HS1BP3: variants seen among roughly 807,000 people sequenced by gnomAD.
HS1BP3 encodes HCLS1 binding protein 3, also known as HCLS1-binding protein 3.
HS1BP3 carries 32 observed loss-of-function variants against 33.5 expected under a neutral mutation model. The ratio of observed to expected loss-of-function variants is 0.95; its 90% CI spans 0.72 to 1.28. The LOEUF is 1.28. Ranked by LOEUF, HS1BP3 falls within the 50% of genes most tolerant of loss-of-function variation. The pLI is 0.00. For missense variants in HS1BP3, 486 were observed against 502.3 expected, an observed-to-expected ratio of 0.97 and a Z score of 0.31; for synonymous variants, 187 against 209.2, an observed-to-expected ratio of 0.89 and a Z score of 0.92.
intron 6 of HS1BP3, chr2:20,623,435 C>A (rs1389764873): frequency 6.5e-6 from 1 of 154,668 alleles, no homozygotes; most frequent in Non-Finnish European, 1.4e-5. Flanking sequence ...AGGCCTCATT[C>A]TCCCTTCCTT....
chr2:20,650,967 C>T (rs1355573927), intron 1 of HS1BP3, 65 bp downstream of exon 1: 2 of 1,214,408 alleles, frequency 1.6e-6, no homozygotes, highest in Non-Finnish European at 2.1e-6. Flanking sequence ...GGCCTCCCCC[C>T]GCCTCTCCGC....
chr2:20,574,965 G>A (rs180920571), intron 5 of HS1BP3, among the ~76,000 whole-genome samples: 1 of 152,314 alleles, frequency 6.6e-6, no homozygotes, highest in Admixed American at 6.5e-5. Flanking sequence ...TGATAATGTT[G>A]GCCTTACTTG....
At position 20,611,019 on chromosome 2, in the gene HS1BP3, C is replaced by T. The variant is rs1694308532; in HGVS notation, c.179-12754G>A. Among the ~76,000 whole-genome samples the T allele has an allele frequency of 6.6e-6, 1 of 152,146 alleles. No individual in the cohort carries two copies. The highest frequency in any genetic ancestry group is 1.9e-4 in the East Asian group (1 of 5,198). ...TCTGCTTTCTGTCACTACAATTTTG[C>T]CTTTTCTAGGGTTTCATATATGTGG... is the stretch of plus-strand genomic sequence containing the variant. On this transcript the variant is annotated intron_variant, in intron 2 of 3. Transcript: ENST00000415264. This position sits in a 1 kb window ranked among gnomAD's most constrained non-coding sequence, Gnocchi z 4.9.
chr2:20,570,142 T>C (rs1449715514), intron 5 of HS1BP3, among the ~76,000 whole-genome samples: 1 of 151,834 alleles, frequency 6.6e-6, no homozygotes, highest in Non-Finnish European at 1.5e-5. Flanking sequence ...ACTCCTCTCA[T>C]CCTCAGCACC....
intron 1 of HS1BP3, among the ~76,000 whole-genome samples, 187 bp from the exon 2 acceptor site, chr2:20,645,692 G>C (rs1233890087): frequency 6.6e-6 from 1 of 152,216 alleles, no homozygotes; most frequent in African/African-American, 2.4e-5. Context: ...TGGCTTCCCA[G>C]GCCTCGAGGC....
At chr2:20,631,456 A>G (rs891802626) in intron 4 of HS1BP3, among the ~76,000 whole-genome samples, 5 of 133,476 alleles carry the variant, frequency 3.7e-5, no homozygotes, top group African/African-American at 1.4e-4. Flanking sequence ...TTGAAGCTGT[A>G]GTTAGCTGAG....
chr2:20,570,224 G>C (rs1246012095), intron 5 of HS1BP3, among the ~76,000 whole-genome samples: 2 of 152,152 alleles, frequency 1.3e-5, no homozygotes, highest in African/African-American at 4.8e-5. Flanking sequence ...CCAGAATATG[G>C]AGTCCCGCTT....
the HS1BP3 span, among the ~76,000 whole-genome samples, chr2:20,554,815 G>T: frequency 6.6e-6 from 1 of 151,786 alleles, no homozygotes; most frequent in Non-Finnish European, 1.5e-5. Flanking sequence ...TCTATCCTTT[G>T]GCTACATTTA....
In HS1BP3 at chr2:20,611,838, A is replaced by C. The variant is rs756690130; in HGVS notation, c.178+12058T>G. 1.2e-4 allele frequency among the ~76,000 whole-genome samples: 19 copies of C among 152,148 alleles called. No homozygotes were observed. Among genetic ancestry groups the C allele is most frequent in the Non-Finnish European group, 2.2e-4 (15 of 68,016 alleles). On this transcript the variant is annotated intron_variant, in intron 2 of 3. Transcript: ENST00000415264. This position sits in a 1 kb window ranked among gnomAD's most constrained non-coding sequence, Gnocchi z 4.9. The stretch of plus-strand genomic sequence containing the variant: ...TGCTCAGCAGCGTGGGGTTCAGAGA[A>C]GCTGAGAGATGGCAGAGGGTGGCAC...
chr2:20,618,621 G>T lies in HS1BP3; in HGVS notation c.*366C>A. 1.1e-6 allele frequency: 1 copy of T among 891,642 alleles called. No homozygotes were observed. Among genetic ancestry groups the T allele is most frequent in the Non-Finnish European group, 1.4e-6 (1 of 718,838 alleles). The allele number at this position is 891,642 out of a possible 1,614,324, so 55.2% of individuals were successfully genotyped here. ...GTGCTGGGGCTGGCAGAACCCGTGG[G>T]CATGAAGCTTCCCTGCCCCATGTGA... On this transcript the variant is annotated 3_prime_UTR_variant, in exon 7 of 7. Coordinates refer to ENST00000304031, the MANE Select transcript of HS1BP3 (RefSeq NM_022460.4).
intron 4 of HS1BP3, among the ~76,000 whole-genome samples, chr2:20,628,674 G>GT (rs1477272799): frequency 2.6e-5 from 4 of 152,038 alleles, no homozygotes; most frequent in Non-Finnish European, 5.9e-5. Flanking sequence ...CACACAGGGT[G>GT]TTCCGCTCTG....
Position 20,641,198 on chromosome 2 carries a change from T to C in HS1BP3, c.199-18A>G. ...TTGGAGACCTGGAATGAGAGGAGCA[T>C]GTGGTTTCCTGAGTGAAGAGTGGCA... is the stretch of plus-strand genomic sequence containing the variant. On this transcript the variant is annotated intron_variant, in intron 2 of 6. Coordinates refer to ENST00000304031, the MANE Select transcript of HS1BP3 (RefSeq NM_022460.4). The C allele has an allele frequency of 6.3e-7, 1 of 1,594,838 alleles. No homozygotes were observed. Among genetic ancestry groups the C allele is most frequent in the Non-Finnish European group, 8.5e-7 (1 of 1,175,140 alleles).
chr2:20,578,247 T>A (rs1360662405), intron 5 of HS1BP3, among the ~76,000 whole-genome samples: 1 of 152,178 alleles, frequency 6.6e-6, no homozygotes, highest in African/African-American at 2.4e-5. Context: ...CTGTGGCTCC[T>A]AAGTGGCTCC....
intron 5 of HS1BP3, among the ~76,000 whole-genome samples, chr2:20,564,664 A>G (rs549223574): frequency 1.3e-5 from 2 of 152,154 alleles, no homozygotes; most frequent in South Asian, 4.2e-4. Flanking sequence ...TCGTATTTTT[A>G]GTAGAGATGG....
intron 1 of HS1BP3, 67 bp downstream of exon 1, chr2:20,650,965 C>T: frequency 8.3e-7 from 1 of 1,205,974 alleles, no homozygotes; most frequent in Non-Finnish European, 1.0e-6. Flanking sequence ...GCGGCCTCCC[C>T]CCGCCTCTCC....
At chr2:20,570,316 C>G (rs1236120550) in intron 5 of HS1BP3, among the ~76,000 whole-genome samples, 2 of 152,232 alleles carry the variant, frequency 1.3e-5, no homozygotes, top group African/African-American at 4.8e-5. Context: ...AAAACACCTT[C>G]CTTCCATTCT....
intron 2 of HS1BP3, among the ~76,000 whole-genome samples, chr2:20,612,763 GC>G (rs1325974035): frequency 6.6e-5 from 10 of 152,154 alleles, no homozygotes; most frequent in Non-Finnish European, 1.5e-5. Flanking sequence ...AAATAAAGCT[GC>G]TATGAACATC....
chr2:20,595,149 A>T (rs1398149276), intron 3 of HS1BP3, among the ~76,000 whole-genome samples: 1 of 152,098 alleles, frequency 6.6e-6, no homozygotes, highest in Non-Finnish European at 1.5e-5. Flanking sequence ...CTAATGTGAC[A>T]TGGCCTCAGT....
intron 2 of HS1BP3, among the ~76,000 whole-genome samples, chr2:20,644,399 C>T (rs888553447): frequency 6.6e-6 from 1 of 152,174 alleles, no homozygotes; most frequent in African/African-American, 2.4e-5. Flanking sequence ...TGATCCACTC[C>T]CAGATTTTTA....
Sources: allele counts gnomAD v4.1 joint callset (sites outside exome capture counted in the v4.1 genomes callset), GRCh38; gene constraint gnomAD v4.1.1; non-coding constraint Gnocchi (gnomAD v3.1); transcripts MANE v1.5; gene names NCBI Gene and HGNC (gene_info 2026-07-23, HGNC 2026-07-21).